USP37: variants seen among roughly 807,000 people sequenced by gnomAD.
USP37 encodes the protein ubiquitin carboxyl-terminal hydrolase 37.
USP37 carries 27 observed loss-of-function variants against 124.0 expected under a neutral mutation model. The ratio of observed to expected loss-of-function variants is 0.22; its 90% CI spans 0.16 to 0.30. The LOEUF is 0.30. Among genes scored for constraint, USP37 ranks in the 10% least tolerant of loss-of-function variants. USP37 has a pLI of 1.00. For missense variants in USP37, 889 were observed against 1,140.4 expected, an observed-to-expected ratio of 0.78 and a Z score of 3.17; for synonymous variants, 365 against 388.0, an observed-to-expected ratio of 0.94 and a Z score of 0.70.
intron 10 of USP37, among the ~76,000 whole-genome samples, chr2:218,516,461 G>A (rs1051351959): frequency 2.3e-4 from 35 of 151,460 alleles, no homozygotes; most frequent in Admixed American, 3.3e-4. Context: ...AACACTGCAC[G>A]TTCTCACTCA....
At chr2:218,520,272 A>AT (rs1211773525) in intron 10 of USP37, among the ~76,000 whole-genome samples, 1 of 147,816 alleles carries the variant, frequency 6.8e-6, no homozygotes, top group Non-Finnish European at 1.5e-5. Context: ...ATATTTGTTA[A>AT]TTTTTTTTCA....
chr2:218,490,446 C>T (rs566922000), intron 14 of USP37, among the ~76,000 whole-genome samples: 4 of 152,292 alleles, frequency 2.6e-5, no homozygotes, highest in South Asian at 2.1e-4. Flanking sequence ...AATTTTAAAA[C>T]GTGAGCTCAG....
At chr2:218,531,091 G>A (rs887196276) in intron 9 of USP37, among the ~76,000 whole-genome samples, 6 of 152,210 alleles carry the variant, frequency 3.9e-5, no homozygotes, top group African/African-American at 9.6e-5. Context: ...AGGTGGCTAC[G>A]TTAAACAACA....
At chr2:218,518,870 T>C (rs1304860398) in intron 10 of USP37, among the ~76,000 whole-genome samples, 3 of 152,296 alleles carry the variant, frequency 2.0e-5, no homozygotes, top group African/African-American at 7.2e-5. Flanking sequence ...TTCTAGATAG[T>C]AAATAGTGCC....
At chr2:218,463,698 G>C (rs1415815724) in intron 21 of USP37, among the ~76,000 whole-genome samples, 2 of 151,520 alleles carry the variant, frequency 1.3e-5, no homozygotes, top group African/African-American at 2.4e-5. Flanking sequence ...ACCACGTCTA[G>C]CTAATTTTTT....
At position 218,485,776 on chromosome 2, in the gene USP37, T is replaced by C. The variant is rs772967740; in HGVS notation, c.1591-33A>G. On this transcript the variant is annotated intron_variant, in intron 15 of 25. Transcript: ENST00000258399. ...AAGAAGGAAAAATAAAGCATGAAGG[T>C]GAATCAGCATTAGTATCTTAAATGC... 5.7e-6 allele frequency: 9 copies of C among 1,583,910 alleles called. No homozygotes were observed. In the African/African-American group the frequency reaches 9.6e-5, roughly 17 times the overall value.
chr2:218,473,955 C>G (rs1690828400), intron 20 of USP37, among the ~76,000 whole-genome samples: 1 of 152,164 alleles, frequency 6.6e-6, no homozygotes, highest in Admixed American at 6.5e-5. Flanking sequence ...ACCTGTAAAG[C>G]ATGTTACTGT....
intron 1 of USP37, among the ~76,000 whole-genome samples, chr2:218,565,465 T>A (rs1369557390): frequency 6.6e-6 from 1 of 152,220 alleles, no homozygotes. Flanking sequence ...TATCTCCAAT[T>A]CAAAGAGTTT....
chr2:218,544,053 T>G (rs1459673148), intron 8 of USP37, among the ~76,000 whole-genome samples: 1 of 151,918 alleles, frequency 6.6e-6, no homozygotes, highest in Non-Finnish European at 1.5e-5. Context: ...TTTGTGACTT[T>G]TCTGCAAATT....
At chr2:218,505,161 T>C (rs1689612345) in intron 11 of USP37, among the ~76,000 whole-genome samples, 1 of 151,910 alleles carries the variant, frequency 6.6e-6, no homozygotes, top group East Asian at 1.9e-4. Flanking sequence ...ACTACAGGTG[T>C]GCACAACCAC....
At chr2:218,544,418 TATATATATATATAG>T (rs1692192365) in intron 8 of USP37, among the ~76,000 whole-genome samples, 1 of 50,852 alleles carries the variant, frequency 2.0e-5, no homozygotes, top group Non-Finnish European at 3.6e-5. Flanking sequence ...TATATATATA[TATATATATATATAG>T]AGAGAGAGAG....
At chr2:218,533,854 A>G (rs1024556250) in intron 9 of USP37, among the ~76,000 whole-genome samples, 2 of 152,268 alleles carry the variant, frequency 1.3e-5, no homozygotes, top group Admixed American at 6.5e-5. Context: ...CAGAGAATCG[A>G]ACAGATACGT....
At position 218,467,473 on chromosome 2, in the gene USP37, C is replaced by T. The variant is rs1027832344; in HGVS notation, c.2300-1297G>A. On this transcript the variant is annotated intron_variant, in intron 20 of 25. Coordinates refer to ENST00000258399, the MANE Select transcript of USP37 (RefSeq NM_020935.3). ...CAGCGATTCTCCTGCTTCAGCCTTC[C>T]GCGTAGCTGGGATTACAGGTGCACG... 3.9e-5 allele frequency among the ~76,000 whole-genome samples: 6 copies of T among 152,164 alleles called. No individual in the cohort carries two copies. In the South Asian group the frequency reaches 8.3e-4, roughly 21 times the overall value.
At position 218,534,632 on chromosome 2, in the gene USP37, T is replaced by C; in HGVS notation, c.755A>G (p.Gln252Arg). The change falls in exon 9 of 26, where the codon CAG (glutamine) becomes CGG (arginine). Residue 252 changes from glutamine to arginine, a missense_variant. By Grantham distance (43) the Gln-to-Arg change is conservative (BLOSUM62 1). Around this residue, in one of 3 missense-constraint regions of USP37, gnomAD observed 374 missense variants for 386.0 expected, o/e 0.97. Coordinates refer to ENST00000258399, the MANE Select transcript of USP37 (RefSeq NM_020935.3). ...ACCTGATGTCCTATTCTCTTCTGAC[T>C]GTTTCAAACTCAGCTGCTTTTCTCT... ...SSREKQLSLK[Q>R]SEENRTSGLL... 1 of 1,609,400 alleles carries C rather than the reference T, an allele frequency of 6.2e-7. No individual in the cohort carries two copies. Among genetic ancestry groups the C allele is most frequent in the Non-Finnish European group, 8.5e-7 (1 of 1,177,730 alleles).
At chr2:218,539,867 G>A (rs1370226042) in intron 8 of USP37, among the ~76,000 whole-genome samples, 5 of 151,876 alleles carry the variant, frequency 3.3e-5, no homozygotes, top group South Asian at 2.1e-4. Flanking sequence ...AAAATTAGCC[G>A]GGTGTGATGG....
intron 8 of USP37, among the ~76,000 whole-genome samples, chr2:218,538,912 C>G (rs1236611993): frequency 1.3e-5 from 2 of 152,136 alleles, no homozygotes; most frequent in African/African-American, 4.8e-5. Flanking sequence ...AACTCAATTG[C>G]CAGCAACTGG....
At chr2:218,560,599 C>T in intron 3 of USP37, among the ~76,000 whole-genome samples, 1 of 152,190 alleles carries the variant, frequency 6.6e-6, no homozygotes. Context: ...TCTATAGGGG[C>T]TAGCAGGTGA....
rs1691146172 is a variant in USP37, at chr2:218,479,715, A to G, written c.1836T>C (p.Ile612=). Residue 612 remains isoleucine (I), a splice_region_variant and synonymous_variant, in exon 18 of 26, where the codon ATT becomes ATC. Transcript: ENST00000258399. ...FTLGWSAHMA[I]SRPLKASQMV... ...TTTGAGAGGCTTTCAATGGTCTAGA[A>G]CTATCAGAAAATTAGAAAATATATA... The G allele has an allele frequency of 6.3e-7, 1 of 1,587,208 alleles. No homozygotes were observed. The highest frequency in any genetic ancestry group is 8.6e-7 in the Non-Finnish European group (1 of 1,168,156).
At chr2:218,460,522 TC>T (rs1689960027) in intron 22 of USP37, among the ~76,000 whole-genome samples, 1 of 152,176 alleles carries the variant, frequency 6.6e-6, no homozygotes, top group Non-Finnish European at 1.5e-5. Context: ...TAATCCAATT[TC>T]ACTAAATTCT....
Sources: allele counts gnomAD v4.1 joint callset (sites outside exome capture counted in the v4.1 genomes callset), GRCh38; gene constraint gnomAD v4.1.1; regional missense constraint gnomAD v4.1.1; transcripts MANE v1.5; gene names NCBI Gene and HGNC (gene_info 2026-07-23, HGNC 2026-07-21).